The following PDCD1LG2 variants were observed in gnomAD, a reference collection of about 807,000 sequenced individuals.
The protein encoded by PDCD1LG2 is B7 dendritic cell molecule.
A neutral mutation model predicts 28.2 loss-of-function variants in PDCD1LG2; 32 were observed. That is an observed-to-expected ratio of 1.13 (90% CI 0.86 to 1.52). The LOEUF (loss-of-function observed/expected upper bound fraction) is 1.52, where lower values mean the gene tolerates loss of function less well. Among genes scored for constraint, PDCD1LG2 ranks in the 40% most tolerant of loss-of-function variants. The probability of loss-of-function intolerance (pLI) is 0.00; values close to 1 mark genes in which losing one functional copy is unlikely to be tolerated. For synonymous variants in PDCD1LG2, 116 were observed against 120.2 expected (o/e 0.97, Z 0.23); for missense variants, 385 against 323.8 (o/e 1.19, Z -1.45).
chr9:5,518,297 A>C (rs1416812120), intron 1 of PDCD1LG2, among the ~76,000 whole-genome samples: 1 of 152,216 alleles, frequency 6.6e-6, no homozygotes, highest in Non-Finnish European at 1.5e-5. Flanking sequence ...TGCTGGTTGG[A>C]AAGTATCTTT....
At chr9:5,535,106 C>T (rs2129798050) in intron 3 of PDCD1LG2, 56 bp downstream of exon 3, 1 of 1,454,418 alleles carries the variant, frequency 6.9e-7, no homozygotes, top group Non-Finnish European at 9.2e-7. Context: ...AGAGGATCTG[C>T]AAGTCACAGA....
intron 1 of PDCD1LG2, among the ~76,000 whole-genome samples, chr9:5,517,788 GT>G (rs1820196267): frequency 6.6e-6 from 1 of 152,180 alleles, no homozygotes; most frequent in Non-Finnish European, 1.5e-5. Context: ...GGCCAATAGG[GT>G]TGGTTAATGA....
intron 4 of PDCD1LG2, among the ~76,000 whole-genome samples, chr9:5,550,102 A>C (rs1816299693): frequency 6.6e-6 from 1 of 152,232 alleles, no homozygotes; most frequent in Non-Finnish European, 1.5e-5. Flanking sequence ...TATCTAGTAC[A>C]ATAGCTAATC....
At chr9:5,543,723 A>G (rs1820738225) in intron 3 of PDCD1LG2, among the ~76,000 whole-genome samples, 1 of 152,188 alleles carries the variant, frequency 6.6e-6, no homozygotes, top group Admixed American at 6.5e-5. Flanking sequence ...CCCTTGGGGA[A>G]ACAGAAGGGT....
chr9:5,510,591 T>G lies in PDCD1LG2; in HGVS notation c.-227T>G, dbSNP rs1024271964. The G allele has an allele frequency of 1.3e-4, 20 of 152,678 alleles. No individual in the cohort carries two copies. Among genetic ancestry groups the G allele is most frequent in the African/African-American group, 4.6e-4 (19 of 41,454 alleles). The allele number at this position is 152,678 out of a possible 1,614,324, so 9.5% of individuals were successfully genotyped here. ...CAACTTTTCTTCTCTTGAATATATC[T>G]TAACGCCAAATTTTGAGTGCTTTTT... is the stretch of plus-strand genomic sequence containing the variant. On this transcript the variant is annotated 5_prime_UTR_variant, in exon 1 of 7. Transcript: ENST00000397747.
rs576103942 is a variant in PDCD1LG2, at chr9:5,527,845, T to C, written c.55+5244T>C. Reference sequence around the variant, plus strand: ...ATTCTTTTCTATTTTTTCTTTTTTTTTGAGACAGAGTTTCGCTCTGTCACC... The same window carrying C: ...ATTCTTTTCTATTTTTTCTTTTTTTCTGAGACAGAGTTTCGCTCTGTCACC... On this transcript the variant is annotated intron_variant, in intron 2 of 6. Coordinates refer to ENST00000397747, the MANE Select transcript of PDCD1LG2 (RefSeq NM_025239.4). Among the ~76,000 whole-genome samples, 64 of 152,252 alleles carry C rather than the reference T, an allele frequency of 4.2e-4. 1 individual carries two copies. Among genetic ancestry groups the C allele is most frequent in the Non-Finnish European group, 7.1e-4 (48 of 68,020 alleles).
rs150190208 is a variant in PDCD1LG2 at position 5,553,710 on chromosome 9, G to A, written c.632-3908G>A. On this transcript the variant is annotated intron_variant, in intron 4 of 6. Coordinates refer to ENST00000397747, the MANE Select transcript of PDCD1LG2 (RefSeq NM_025239.4). ...GGCTTACTAAATAGTCAACAACCATGGGAGAGACCTGTGGGGTCTTCATCA... is the reference window on the plus strand; with the variant it reads ...GGCTTACTAAATAGTCAACAACCATAGGAGAGACCTGTGGGGTCTTCATCA... 4.7e-4 allele frequency among the ~76,000 whole-genome samples: 71 copies of A among 152,312 alleles called. 1 individual carries two copies. The highest frequency in any genetic ancestry group is 1.6e-3 in the African/African-American group (65 of 41,564).
chr9:5,534,355 G>A (rs965295389), intron 2 of PDCD1LG2, among the ~76,000 whole-genome samples: 1 of 152,172 alleles, frequency 6.6e-6, no homozygotes, highest in African/African-American at 2.4e-5. Context: ...TAGGGAAGTC[G>A]AAAGGAAGCA....
intron 5 of PDCD1LG2, among the ~76,000 whole-genome samples, chr9:5,562,768 C>A (rs1282058131): frequency 6.6e-6 from 1 of 152,180 alleles, no homozygotes; most frequent in Non-Finnish European, 1.5e-5. Flanking sequence ...GTCACTTATA[C>A]CTTAGTGCAA....
At chr9:5,541,067 G>A (rs1479979808) in intron 3 of PDCD1LG2, among the ~76,000 whole-genome samples, 1 of 152,090 alleles carries the variant, frequency 6.6e-6, no homozygotes, top group Non-Finnish European at 1.5e-5. Context: ...ACATCCACAA[G>A]TTAATAAATG....
intron 2 of PDCD1LG2, among the ~76,000 whole-genome samples, chr9:5,526,437 A>T (rs1820381066): frequency 6.6e-6 from 1 of 152,070 alleles, no homozygotes; most frequent in Non-Finnish European, 1.5e-5. Context: ...CCTTTTTTAA[A>T]TTAAAACAAA....
At chr9:5,566,578 C>T (rs1816670199) in intron 6 of PDCD1LG2, among the ~76,000 whole-genome samples, 1 of 152,224 alleles carries the variant, frequency 6.6e-6, no homozygotes, top group South Asian at 2.1e-4. Context: ...ATTGCTCCAT[C>T]AGTCTCAGTC....
At chr9:5,550,214 T>G (rs981954807) in intron 4 of PDCD1LG2, among the ~76,000 whole-genome samples, 1 of 152,208 alleles carries the variant, frequency 6.6e-6, no homozygotes, top group African/African-American at 2.4e-5. Flanking sequence ...AAATTTGGTC[T>G]CTAACAAAAT....
chr9:5,528,946 C>A (rs1220334869), intron 2 of PDCD1LG2, among the ~76,000 whole-genome samples: 2 of 152,186 alleles, frequency 1.3e-5, no homozygotes, highest in Non-Finnish European at 2.9e-5. Context: ...GCCAGGCTGT[C>A]TCAAGCTTCT....
chr9:5,524,461 C>G (rs574538701), intron 2 of PDCD1LG2, among the ~76,000 whole-genome samples: 161 of 152,282 alleles, frequency 1.1e-3, no homozygotes, highest in South Asian at 3.7e-3. Context: ...TTCTCATTTT[C>G]TTCACGAATT....
chr9:5,535,092 C>A (rs2129797678), intron 3 of PDCD1LG2, 42 bp downstream of exon 3: 1 of 1,504,392 alleles, frequency 6.6e-7, no homozygotes, highest in Non-Finnish European at 8.9e-7. Context: ...AGCATCTCTC[C>A]AACAGAGGAT....
At chr9:5,563,247 T>C (rs1375266216) in intron 6 of PDCD1LG2, 36 bp downstream of exon 6, 3 of 1,551,114 alleles carry the variant, frequency 1.9e-6, no homozygotes, top group Non-Finnish European at 2.7e-6. Context: ...CTTTCTTACT[T>C]TCTTTTCTCT....
At position 5,534,866 on chromosome 9, in the gene PDCD1LG2, G is replaced by C. The variant is rs777585082; in HGVS notation, c.177G>C (p.Leu59Phe). Residue 59 changes from leucine to phenylalanine, a missense_variant, in exon 3 of 7, where the codon TTG becomes TTC. Leu to Phe is a conservative substitution (Grantham distance 22). Coordinates refer to ENST00000397747, the MANE Select transcript of PDCD1LG2 (RefSeq NM_025239.4). Reference protein sequence around the residue: ...HVNLGAITASLQKVENDTSPH... With the variant: ...HVNLGAITASFQKVENDTSPH... The stretch of plus-strand genomic sequence containing the variant: ...ACCTTGGAGCAATAACAGCCAGTTT[G>C]CAAAAGGTGGAAAATGATACATCCC... The C allele has an allele frequency of 3.7e-6, 6 of 1,614,176 alleles. No individual in the cohort carries two copies. Among genetic ancestry groups the C allele is most frequent in the Middle Eastern group, 3.3e-4 (2 of 6,062 alleles).
chr9:5,536,210 C>T (rs1452652233), intron 3 of PDCD1LG2, among the ~76,000 whole-genome samples: 1 of 152,160 alleles, frequency 6.6e-6, no homozygotes. Context: ...TCACATTTTG[C>T]TTATTTGTAG....
Sources: gnomAD v4.1 joint callset for allele counts (sites outside exome capture counted in the v4.1 genomes callset) on GRCh38, gnomAD v4.1.1 for gene constraint, MANE v1.5 for transcripts, NCBI Gene and HGNC (gene_info 2026-07-23, HGNC 2026-07-21) for gene names.